Variants in ANXA5 observed in about 807,000 individuals in gnomAD.
The protein encoded by ANXA5 is annexin A5.
In ANXA5, 40 loss-of-function variants were observed where a neutral mutation model predicts 48.1. That is an observed-to-expected ratio of 0.83 (90% CI 0.65 to 1.08). The LOEUF is 1.08. ANXA5 is among the 50% of genes least tolerant of loss of function. The pLI, the probability that ANXA5 is intolerant of heterozygous loss-of-function variation, is 0.00. For missense variants in ANXA5, 357 were observed against 376.8 expected (o/e 0.95, Z 0.44); for synonymous variants, 113 against 129.1 (o/e 0.88, Z 0.85).
intron 2 of ANXA5, among the ~76,000 whole-genome samples, chr4:121,688,764 T>C (rs1390799554): frequency 6.6e-6 from 1 of 152,136 alleles, no homozygotes; most frequent in Non-Finnish European, 1.5e-5. Flanking sequence ...AAGAGGTGTT[T>C]CCAGGTTGAT....
intron 2 of ANXA5, among the ~76,000 whole-genome samples, chr4:121,693,211 A>G (rs138620390): frequency 2.6e-5 from 4 of 152,078 alleles, no homozygotes; most frequent in African/African-American, 9.6e-5. Context: ...TCCAGCCTGG[A>G]CAACAAAGCG....
chr4:121,671,224 C>G (rs1724607088), intron 10 of ANXA5, among the ~76,000 whole-genome samples: 1 of 152,130 alleles, frequency 6.6e-6, no homozygotes, highest in Non-Finnish European at 1.5e-5. Context: ...CCACAGGTAT[C>G]AGAAATAATG....
At chr4:121,696,499 C>T (rs72678604) in intron 2 of ANXA5, 82 bp downstream of exon 2, 149,314 of 1,260,826 alleles carry the variant, frequency 0.12, 9,527 homozygotes, top group African/African-American at 0.25. Flanking sequence ...CTTTTTGGCT[C>T]TCAGACAAAT....
chr4:121,694,196 T>C (rs980162484), intron 2 of ANXA5, among the ~76,000 whole-genome samples: 1 of 151,082 alleles, frequency 6.6e-6, no homozygotes, highest in African/African-American at 2.4e-5. Flanking sequence ...CATGTATACA[T>C]ATGTAACAAA....
intron 2 of ANXA5, among the ~76,000 whole-genome samples, chr4:121,688,898 C>T (rs1269191915): frequency 6.6e-6 from 1 of 152,102 alleles, no homozygotes; most frequent in Non-Finnish European, 1.5e-5. Flanking sequence ...CCACTTGTCT[C>T]GTGGAGAGGT....
At chr4:121,686,046 G>A (rs1211806969) in intron 3 of ANXA5, among the ~76,000 whole-genome samples, 2 of 53,494 alleles carry the variant, frequency 3.7e-5, no homozygotes, top group Non-Finnish European at 4.8e-5. Context: ...TTTTTTTTTA[G>A]CTCATCAGCT....
chr4:121,686,381 C>A lies in ANXA5; in HGVS notation c.10-9G>T, dbSNP rs766755473. 1 of 1,606,008 alleles carries A rather than the reference C, an allele frequency of 6.2e-7. No homozygotes were observed. Among genetic ancestry groups the A allele is most frequent in the South Asian group, 1.1e-5 (1 of 90,850 alleles). Reference sequence around the variant, plus strand: ...ACAGTGCCTCTGAGAACCTAATTCACGAAACACAGTGGTATTATTCATATC... The same window carrying A: ...ACAGTGCCTCTGAGAACCTAATTCAAGAAACACAGTGGTATTATTCATATC... On this transcript the variant is annotated splice_polypyrimidine_tract_variant and intron_variant, in intron 2 of 12. Coordinates refer to ENST00000296511, the MANE Select transcript of ANXA5 (RefSeq NM_001154.4).
chr4:121,668,702 A>G (rs1278765299), intron 12 of ANXA5, among the ~76,000 whole-genome samples, 175 bp from the exon 13 acceptor site: 1 of 152,126 alleles, frequency 6.6e-6, no homozygotes, highest in East Asian at 1.9e-4. Context: ...GTAACCTCAG[A>G]CACTCAGTAT....
intron 10 of ANXA5, 63 bp downstream of exon 10, chr4:121,671,484 T>C: frequency 8.2e-7 from 1 of 1,218,110 alleles, no homozygotes; most frequent in Non-Finnish European, 1.2e-6. Flanking sequence ...AGATGCAGCC[T>C]CAATTGAATA....
At chr4:121,694,447 C>T (rs1009154624) in intron 2 of ANXA5, among the ~76,000 whole-genome samples, 7 of 152,118 alleles carry the variant, frequency 4.6e-5, no homozygotes, top group South Asian at 4.1e-4. Context: ...TGCAGCAGCG[C>T]GATCTCAGCT....
At chr4:121,690,170 CAAAG>C (rs1048145712) in intron 2 of ANXA5, among the ~76,000 whole-genome samples, 2 of 152,178 alleles carry the variant, frequency 1.3e-5, no homozygotes, top group African/African-American at 4.8e-5. Context: ...ATCTTACAGA[CAAAG>C]AAACATACTG....
chr4:121,670,570 C>T (rs950622669), intron 10 of ANXA5, among the ~76,000 whole-genome samples: 1 of 151,820 alleles, frequency 6.6e-6, no homozygotes, highest in Non-Finnish European at 1.5e-5. Flanking sequence ...TGAACATGTA[C>T]ATGTTGAATG....
At chr4:121,675,568 G>A (rs1724683569) in intron 8 of ANXA5, among the ~76,000 whole-genome samples, 1 of 152,200 alleles carries the variant, frequency 6.6e-6, no homozygotes, top group Non-Finnish European at 1.5e-5. Context: ...GTCACTGGAA[G>A]GCTAAGAAAA....
At chr4:121,691,324 C>A (rs1724980812) in intron 2 of ANXA5, among the ~76,000 whole-genome samples, 1 of 150,152 alleles carries the variant, frequency 6.7e-6, no homozygotes. Flanking sequence ...CTAGGTATGC[C>A]AAAAAAAAAA....
In ANXA5 at chr4:121,677,772, A is replaced by ATCTTGT. The variant is rs1724722221; in HGVS notation, c.531+121_531+122insACAAGA. 4 of 877,970 alleles carry ATCTTGT rather than the reference A, an allele frequency of 4.6e-6. No homozygotes were observed. The Admixed American group carries it at 7.9e-5, about 17-fold the overall frequency. 54.4% of individuals were successfully genotyped at this position (877,970 alleles called of 1,614,324 possible). A position where few individuals can be genotyped will look rare whatever the true frequency, so the allele number is the denominator to read the frequency against. ...CTTATGTAGGTCTTATGCTATGTAAATAACCCATTAACAAGATTATCACTA... is the reference window on the plus strand; with the variant it reads ...CTTATGTAGGTCTTATGCTATGTAAATCTTGTTAACCCATTAACAAGATTATCACTA... On this transcript the variant is annotated intron_variant, in intron 8 of 12. Coordinates refer to ENST00000296511, the MANE Select transcript of ANXA5 (RefSeq NM_001154.4).
chr4:121,692,062 G>T (rs1341668881), intron 2 of ANXA5, among the ~76,000 whole-genome samples: 1 of 152,102 alleles, frequency 6.6e-6, no homozygotes, highest in Non-Finnish European at 1.5e-5. Context: ...CGTTAAACTC[G>T]AACTGGCCTA....
intron 10 of ANXA5, 107 bp downstream of exon 10, chr4:121,671,440 C>A (rs1724610842): frequency 1.3e-6 from 1 of 759,108 alleles, no homozygotes; most frequent in East Asian, 2.7e-5. Flanking sequence ...AATATCATAT[C>A]AAGCTCTTCC....
chr4:121,668,387 C>A lies in ANXA5; in HGVS notation c.*81G>T. 1.6e-6 allele frequency: 2 copies of A among 1,215,204 alleles called. No homozygotes were observed. The highest frequency in any genetic ancestry group is 1.7e-5 in the Admixed American group (1 of 58,792). The allele number at this position is 1,215,204 out of a possible 1,614,324, so 75.3% of individuals were successfully genotyped here. A position where few individuals can be genotyped will look rare whatever the true frequency, so the allele number is the denominator to read the frequency against. ...AATAAGGCAATGTGTTAAGCACTGG[C>A]ATACAAATGCAGCTAAAGGTGCTGA... On this transcript the variant is annotated 3_prime_UTR_variant, in exon 13 of 13. Coordinates refer to ENST00000296511, the MANE Select transcript of ANXA5 (RefSeq NM_001154.4).
intron 6 of ANXA5, among the ~76,000 whole-genome samples, chr4:121,679,252 T>C (rs140569283): frequency 9.1e-4 from 139 of 152,350 alleles, no homozygotes; most frequent in African/African-American, 3.1e-3. Flanking sequence ...CAAAACCTTG[T>C]AGGAATCTTT....
Sources: allele counts gnomAD v4.1 joint callset (sites outside exome capture counted in the v4.1 genomes callset), GRCh38; gene constraint gnomAD v4.1.1; transcripts MANE v1.5; gene names NCBI Gene and HGNC (gene_info 2026-07-23, HGNC 2026-07-21).